FBRSL1: variants seen among roughly 807,000 people sequenced by gnomAD.
The protein encoded by FBRSL1 is fibrosin-1-like protein.
Under a neutral mutation model 89.6 loss-of-function variants are expected in FBRSL1, and 51 were observed. The ratio of observed to expected loss-of-function variants is 0.57; its 90% CI spans 0.45 to 0.72. The LOEUF (loss-of-function observed/expected upper bound fraction) is 0.72. Ranked by LOEUF, FBRSL1 falls within the 30% of genes least tolerant of loss-of-function variation. The pLI, the probability that FBRSL1 is intolerant of heterozygous loss-of-function variation, is 0.00. For synonymous variants in FBRSL1, 779 were observed against 681.1 expected, an observed-to-expected ratio of 1.14 and a Z score of -2.24; for missense variants, 1,618 against 1,451.8, an observed-to-expected ratio of 1.11 and a Z score of -1.86.
At position 132,506,157 on chromosome 12, in the gene FBRSL1, C is replaced by T. The variant is rs1332957986; in HGVS notation, c.292-1996C>T. ...GATGGACATTCTGGTGGGGGTCAGA[C>T]GGGACAGGAAACTGCCTTGTGCTTG... On this transcript the variant is annotated intron_variant, in intron 1 of 18. Coordinates refer to ENST00000680143, the MANE Select transcript of FBRSL1 (RefSeq NM_001367871.1). 7.8e-5 allele frequency among the ~76,000 whole-genome samples: 11 copies of T among 141,046 alleles called. No homozygotes were observed. In the East Asian group the frequency reaches 2.2e-3, roughly 28 times the overall value. The allele number at this position is 141,046 out of a possible 152,430, so 92.5% of individuals were successfully genotyped here.
chr12:132,495,228 A>T (rs1007329098), intron 1 of FBRSL1, among the ~76,000 whole-genome samples: 9 of 152,250 alleles, frequency 5.9e-5, no homozygotes, highest in African/African-American at 2.2e-4. Flanking sequence ...GGTGGGCTTC[A>T]CAGAGGGGCC....
At chr12:132,537,742 C>A (rs2036883522) in intron 4 of FBRSL1, among the ~76,000 whole-genome samples, 1 of 152,164 alleles carries the variant, frequency 6.6e-6, no homozygotes, top group South Asian at 2.1e-4. Context: ...CAGTGTGGGG[C>A]AACAGGCAAT....
rs116665431 is a variant in FBRSL1, at chr12:132,502,361, G to A, written c.292-5792G>A. Among the ~76,000 whole-genome samples the A allele has an allele frequency of 3.9e-3, 588 of 152,284 alleles. 3 individuals carry two copies. The highest frequency in any genetic ancestry group is 0.014 in the African/African-American group (563 of 41,560). ...GGTGCCACCTCAGCCCTCCACCCCC[G>A]GCCCTTATGGCCACCCAGAGGAATC... On this transcript the variant is annotated intron_variant, in intron 1 of 18. Transcript: ENST00000680143.
At position 132,508,361 on chromosome 12, in the gene FBRSL1, C is replaced by T; in HGVS notation, c.489+11C>T. On this transcript the variant is annotated intron_variant, in intron 2 of 18. Transcript: ENST00000680143. ...CAGCCCTCCAAGCAGGTGAGCAGGT[C>T]CCTCCCCGACCGGAAGCTCTGCGGC... 1 of 1,483,748 alleles carries T rather than the reference C, an allele frequency of 6.7e-7. No individual in the cohort carries two copies. The highest frequency in any genetic ancestry group is 1.3e-5 in the South Asian group (1 of 74,340). The allele number at this position is 1,483,748 out of a possible 1,614,324, so 91.9% of individuals were successfully genotyped here.
At chr12:132,515,162 A>T (rs1233231954) in intron 2 of FBRSL1, among the ~76,000 whole-genome samples, 2 of 152,074 alleles carry the variant, frequency 1.3e-5, no homozygotes, top group South Asian at 4.2e-4. Context: ...GCCAGACCTC[A>T]TGCATCAGGC....
At chr12:132,573,589 G>C (rs972771489) in intron 11 of FBRSL1, among the ~76,000 whole-genome samples, 4 of 152,200 alleles carry the variant, frequency 2.6e-5, no homozygotes, top group African/African-American at 4.8e-5. Flanking sequence ...AATCTGTCCC[G>C]GCCGCACCCC....
chr12:132,567,011 C>T (rs980579097), intron 5 of FBRSL1, among the ~76,000 whole-genome samples: 3 of 152,230 alleles, frequency 2.0e-5, no homozygotes, highest in Non-Finnish European at 4.4e-5. Context: ...CTCTCACTTT[C>T]GCCAGGGCGC....
intron 3 of FBRSL1, among the ~76,000 whole-genome samples, chr12:132,526,869 T>G (rs770183102): frequency 8.5e-5 from 13 of 152,082 alleles, no homozygotes; most frequent in Non-Finnish European, 1.8e-4. Context: ...CCCCTCCTGC[T>G]GGGGGAGGCC....
chr12:132,575,994 C>T (rs924119904), intron 14 of FBRSL1, among the ~76,000 whole-genome samples: 11 of 152,220 alleles, frequency 7.2e-5, no homozygotes, highest in Non-Finnish European at 1.3e-4. Flanking sequence ...CCCCAGTCTC[C>T]ACCCAAGCCT....
At chr12:132,558,761 G>A (rs988587008) in intron 5 of FBRSL1, among the ~76,000 whole-genome samples, 3 of 152,244 alleles carry the variant, frequency 2.0e-5, no homozygotes, top group Non-Finnish European at 2.9e-5. Context: ...GCTCCGCCAT[G>A]GATAGGCCCT....
intron 1 of FBRSL1, among the ~76,000 whole-genome samples, chr12:132,507,687 G>T (rs905127007): frequency 1.3e-5 from 2 of 152,126 alleles, no homozygotes; most frequent in African/African-American, 4.8e-5. Flanking sequence ...CTGGAATATG[G>T]TGTCACCTGG....
chr12:132,514,193 G>A (rs2034624567), intron 2 of FBRSL1, among the ~76,000 whole-genome samples: 1 of 152,160 alleles, frequency 6.6e-6, no homozygotes, highest in Non-Finnish European at 1.5e-5. Flanking sequence ...CGACTGTGGT[G>A]AGGGCAAAGA....
At position 132,499,428 on chromosome 12, in the gene FBRSL1, T is replaced by G. The variant is rs2032597311; in HGVS notation, c.291+8567T>G. On this transcript the variant is annotated intron_variant, in intron 1 of 18. Transcript: ENST00000680143. This position sits in a 1 kb window ranked among gnomAD's most constrained non-coding sequence, Gnocchi z 4.3. ...CCCTGACAGACTTTATAAGCATTTA[T>G]TGAGCACCGGCTGTGTGCCAGGCCC... Among the ~76,000 whole-genome samples the G allele has an allele frequency of 6.6e-6, 1 of 152,212 alleles. No individual in the cohort carries two copies. The highest frequency in any genetic ancestry group is 2.1e-4 in the South Asian group (1 of 4,828).
chr12:132,518,594 C>CT (rs1165622802), intron 2 of FBRSL1, among the ~76,000 whole-genome samples: 2 of 150,690 alleles, frequency 1.3e-5, no homozygotes, highest in African/African-American at 4.9e-5. Flanking sequence ...ATCCACCCAT[C>CT]TGTCCATCCA....
intron 15 of FBRSL1, among the ~76,000 whole-genome samples, chr12:132,578,710 A>C (rs1593595068): frequency 1.6e-5 from 1 of 62,268 alleles, no homozygotes; most frequent in Non-Finnish European, 3.0e-5. Context: ...AGAGCTCCCA[A>C]CCCCCGCTGC....
intron 4 of FBRSL1, among the ~76,000 whole-genome samples, chr12:132,532,107 C>T (rs566278610): frequency 1.3e-5 from 2 of 152,340 alleles, no homozygotes; most frequent in South Asian, 4.1e-4. Context: ...CCTGGCTTGC[C>T]CTCCCACACC....
chr12:132,508,594 G>T lies in FBRSL1; in HGVS notation c.489+244G>T, dbSNP rs2033965566. Among the ~76,000 whole-genome samples, 4 of 152,220 alleles carry T rather than the reference G, an allele frequency of 2.6e-5. No homozygotes were observed. The South Asian group carries it at 8.3e-4, about 32-fold the overall frequency. Reference sequence around the variant, plus strand: ...CCACAGCAGGAGAGGTGCCTGTCTGGGGCAGCAAGGCGCGCGTTCCGGGCT... The same window carrying T: ...CCACAGCAGGAGAGGTGCCTGTCTGTGGCAGCAAGGCGCGCGTTCCGGGCT... On this transcript the variant is annotated intron_variant, in intron 2 of 18. Transcript: ENST00000680143.
chr12:132,570,731 C>T lies in FBRSL1; in HGVS notation c.1213+191C>T, dbSNP rs570636882. Among the ~76,000 whole-genome samples, 545 of 152,308 alleles carry T rather than the reference C, an allele frequency of 3.6e-3. 3 individuals are homozygous for T. The highest frequency in any genetic ancestry group is 0.012 in the African/African-American group (508 of 41,566). ...TGCTGGGCCACAGGCCATCTGTGTG[C>T]GGGGACAGGCAGGACACGTGCCCAT... On this transcript the variant is annotated intron_variant, in intron 8 of 18. Coordinates refer to ENST00000680143, the MANE Select transcript of FBRSL1 (RefSeq NM_001367871.1).
In FBRSL1 at chr12:132,572,616, G is replaced by A. The variant is rs2040110056; in HGVS notation, c.1524G>A (p.Gln508=). 3 of 1,549,830 alleles carry A rather than the reference G, an allele frequency of 1.9e-6. No individual in the cohort carries two copies. Among genetic ancestry groups the A allele is most frequent in the Non-Finnish European group, 1.7e-6 (2 of 1,146,380 alleles). Residue 508 remains glutamine, a synonymous_variant, in exon 11 of 19, where the codon CAG becomes CAA. Transcript: ENST00000680143. The stretch of plus-strand genomic sequence containing the variant: ...TCGGGTCCCTGCAGGGCGCTTTTCA[G>A]CCTAAGGTACCGCTGCCCCTGGCAG... ...GPFGSLQGAF[Q]PKTSSPIEVA...
Sources: allele counts gnomAD v4.1 joint callset (sites outside exome capture counted in the v4.1 genomes callset), GRCh38; gene constraint gnomAD v4.1.1; non-coding constraint Gnocchi (gnomAD v3.1); transcripts MANE v1.5; gene names NCBI Gene and HGNC (gene_info 2026-07-23, HGNC 2026-07-21).